CDC25A: variants seen among roughly 807,000 people sequenced by gnomAD.
The protein encoded by CDC25A is cell division cycle 25A.
In CDC25A, 17 loss-of-function variants were observed where a neutral mutation model predicts 64.6. The observed-to-expected ratio is 0.26, with a 90% CI of 0.18 to 0.39. The LOEUF (loss-of-function observed/expected upper bound fraction) is 0.39, where lower values mean the gene tolerates loss of function less well. CDC25A is among the 10% of genes least tolerant of loss of function. The pLI is 1.00. For synonymous variants in CDC25A, 229 were observed against 238.6 expected, an observed-to-expected ratio of 0.96 and a Z score of 0.37; for missense variants, 473 against 654.8, an observed-to-expected ratio of 0.72 and a Z score of 3.03.
chr3:48,170,917 C>A (rs2032246568), intron 9 of CDC25A, among the ~76,000 whole-genome samples: 1 of 151,878 alleles, frequency 6.6e-6, no homozygotes. Context: ...GACATTTTCT[C>A]CACAATGGAA....
At position 48,188,112 on chromosome 3, in the gene CDC25A, C is replaced by T; in HGVS notation, c.-165G>A. On this transcript the variant is annotated 5_prime_UTR_variant, in exon 1 of 15. Transcript: ENST00000302506. ...ACGCGGCTGCCGCGGGCAAGCGGCG[C>T]GGCCGGGCGGGTGTGCGGACCCTCC... The T allele has an allele frequency of 2.0e-6, 1 of 496,430 alleles. No individual in the cohort carries two copies. Among genetic ancestry groups the T allele is most frequent in the Middle Eastern group, 5.9e-4 (1 of 1,702 alleles). 30.8% of individuals were successfully genotyped at this position (496,430 alleles called of 1,614,324 possible). A position where few individuals can be genotyped will look rare whatever the true frequency, so the allele number is the denominator to read the frequency against.
intron 10 of CDC25A, 110 bp downstream of exon 10, chr3:48,167,736 C>A: frequency 1.5e-6 from 1 of 674,332 alleles, no homozygotes; most frequent in Non-Finnish European, 2.7e-6. Flanking sequence ...TTAACTGTGT[C>A]CTTTTGGAGG....
intron 3 of CDC25A, among the ~76,000 whole-genome samples, chr3:48,184,173 C>A (rs968285042): frequency 8.5e-5 from 13 of 152,078 alleles, no homozygotes; most frequent in Non-Finnish European, 1.6e-4. Flanking sequence ...CCTGGCCTGG[C>A]CAACACGATG....
intron 6 of CDC25A, among the ~76,000 whole-genome samples, chr3:48,179,730 T>C (rs993356916): frequency 6.6e-6 from 1 of 152,186 alleles, no homozygotes; most frequent in Non-Finnish European, 1.5e-5. Context: ...CAAACCTCTC[T>C]AGTGGTACTT....
intron 9 of CDC25A, among the ~76,000 whole-genome samples, chr3:48,171,375 GAAT>G (rs955507306): frequency 8.0e-5 from 12 of 149,882 alleles, no homozygotes; most frequent in African/African-American, 2.5e-4. Flanking sequence ...AAAAGAAAAT[GAAT>G]ATTCTTTTTT....
At chr3:48,171,142 C>A (rs1255404490) in intron 9 of CDC25A, among the ~76,000 whole-genome samples, 1 of 151,828 alleles carries the variant, frequency 6.6e-6, no homozygotes, top group Non-Finnish European at 1.5e-5. Flanking sequence ...GAGGCCAAGG[C>A]GGATATATCA....
At chr3:48,175,829 A>T (rs1448003676) in intron 8 of CDC25A, among the ~76,000 whole-genome samples, 8 of 152,226 alleles carry the variant, frequency 5.3e-5, no homozygotes, top group Non-Finnish European at 1.2e-4. Context: ...ATATTTTCTC[A>T]AAAGCTATGC....
At chr3:48,162,371 G>A (rs13324910) in intron 13 of CDC25A, among the ~76,000 whole-genome samples, 1 of 151,552 alleles carries the variant, frequency 6.6e-6, no homozygotes, top group South Asian at 2.1e-4. Context: ...CCACAGCCTC[G>A]ACCTGCTGGG....
rs139739590 is a variant in CDC25A, at chr3:48,180,959, C to T, written c.430-119G>A. 9 of 866,214 alleles carry T rather than the reference C, an allele frequency of 1.0e-5. No individual in the cohort carries two copies. The African/African-American group carries it at 1.5e-4, about 14-fold the overall frequency. The allele number at this position is 866,214 out of a possible 1,614,324, so 53.7% of individuals were successfully genotyped here. A position where few individuals can be genotyped will look rare whatever the true frequency, so the allele number is the denominator to read the frequency against. On this transcript the variant is annotated intron_variant, in intron 5 of 14. Coordinates refer to ENST00000302506, the MANE Select transcript of CDC25A (RefSeq NM_001789.3). The stretch of plus-strand genomic sequence containing the variant: ...TTCTGCCTCCAAATTAAAGTTTCAC[C>T]TAATTCCAACAATAGATCTGCGTAA...
chr3:48,165,947 A>G, intron 10 of CDC25A, 54 bp from the exon 11 acceptor site: 1 of 1,194,168 alleles, frequency 8.4e-7, no homozygotes, highest in South Asian at 1.3e-5. Flanking sequence ...TATTATTCAC[A>G]CTTATACTGT....
At chr3:48,170,268 G>C (rs2032219294) in intron 9 of CDC25A, among the ~76,000 whole-genome samples, 1 of 152,146 alleles carries the variant, frequency 6.6e-6, no homozygotes, top group African/African-American at 2.4e-5. Flanking sequence ...CAGAGCGTCA[G>C]ATCAGGAAGT....
chr3:48,166,492 T>C (rs919673880), intron 10 of CDC25A, among the ~76,000 whole-genome samples: 1 of 152,226 alleles, frequency 6.6e-6, no homozygotes, highest in Non-Finnish European at 1.5e-5. Flanking sequence ...CTCCTGCTTT[T>C]GTCAAGAATC....
intron 4 of CDC25A, among the ~76,000 whole-genome samples, chr3:48,183,289 C>T (rs899171592): frequency 6.6e-6 from 1 of 152,150 alleles, no homozygotes; most frequent in Admixed American, 6.6e-5. Flanking sequence ...GATTACAGTG[C>T]CAAATCAATC....
intron 13 of CDC25A, among the ~76,000 whole-genome samples, chr3:48,161,014 G>A (rs577439099): frequency 6.6e-5 from 10 of 152,088 alleles, no homozygotes; most frequent in Admixed American, 1.3e-4. Flanking sequence ...TTAGCTGGGC[G>A]TGGTGGCAGG....
chr3:48,167,040 C>T (rs556582684), intron 10 of CDC25A, among the ~76,000 whole-genome samples: 94 of 152,300 alleles, frequency 6.2e-4, no homozygotes, highest in Non-Finnish European at 1.1e-3. Context: ...CCAGACGTTC[C>T]CCAACCCCCT....
chr3:48,159,291 G>A (rs1208409654), intron 14 of CDC25A, 53 bp downstream of exon 14: 4 of 1,390,996 alleles, frequency 2.9e-6, no homozygotes, highest in African/African-American at 1.4e-5. Flanking sequence ...AGATCCATTA[G>A]TCTACCACTG....
intron 13 of CDC25A, among the ~76,000 whole-genome samples, chr3:48,163,147 G>C (rs1381688753): frequency 1.3e-5 from 2 of 150,538 alleles, no homozygotes; most frequent in Non-Finnish European, 3.0e-5. Context: ...GCCGGGTGTG[G>C]TGGTGCACGC....
At chr3:48,180,503 A>C (rs1001606567) in intron 6 of CDC25A, 13 of 466,480 alleles carry the variant, frequency 2.8e-5, no homozygotes, top group Non-Finnish European at 5.0e-5. Flanking sequence ...TCCTTGCACA[A>C]CTCCAATATT....
intron 12 of CDC25A, 139 bp from the exon 13 acceptor site, chr3:48,164,576 T>C (rs1057143949): frequency 4.2e-6 from 3 of 721,082 alleles, no homozygotes; most frequent in Non-Finnish European, 6.3e-6. Flanking sequence ...TCTAGCTGAA[T>C]AGCCCAGTAG....
Sources: allele counts gnomAD v4.1 joint callset (sites outside exome capture counted in the v4.1 genomes callset), GRCh38; gene constraint gnomAD v4.1.1; transcripts MANE v1.5; gene names NCBI Gene and HGNC (gene_info 2026-07-23, HGNC 2026-07-21).